The following TTLL12 variants were observed in gnomAD, a reference collection of about 807,000 sequenced individuals.
TTLL12 encodes tubulin tyrosine ligase like 12.
TTLL12 carries 77 observed loss-of-function variants against 79.6 expected under a neutral mutation model. The ratio of observed to expected loss-of-function variants is 0.97; its 90% CI spans 0.81 to 1.17. The LOEUF is 1.17. Among genes scored for constraint, TTLL12 ranks in the 50% most tolerant of loss-of-function variants. TTLL12 has a pLI of 0.00. For synonymous variants in TTLL12, 437 were observed against 376.1 expected, an observed-to-expected ratio of 1.16 and a Z score of -1.87; for missense variants, 969 against 895.9, an observed-to-expected ratio of 1.08 and a Z score of -1.04.
Position 43,173,709 on chromosome 22 carries a change from G to C in TTLL12, c.1341+6C>G. 6.2e-7 allele frequency: 1 copy of C among 1,600,024 alleles called. No individual in the cohort carries two copies. The highest frequency in any genetic ancestry group is 1.7e-4 in the Middle Eastern group (1 of 6,012). On this transcript the variant is annotated splice_donor_region_variant and intron_variant, in intron 9 of 13. Transcript: ENST00000216129. Reference sequence around the variant, plus strand: ...AGCCCTGGGGCTCCTGGTCTGCGGGGCCCACCTTGGGGGTGCTCTCTCGGT... The same window carrying C: ...AGCCCTGGGGCTCCTGGTCTGCGGGCCCCACCTTGGGGGTGCTCTCTCGGT...
rs1157228117 is a variant in TTLL12, at chr22:43,179,772, C to T, written c.707-20G>A. On this transcript the variant is annotated intron_variant, in intron 4 of 13. Transcript: ENST00000216129. ...CCTCCTCTGTGCCAAGACATGAGTG[C>T]CCATCAGAGGGGGTGACGGGACACT... The T allele has an allele frequency of 1.9e-6, 3 of 1,550,254 alleles. No homozygotes were observed. Among genetic ancestry groups the T allele is most frequent in the Non-Finnish European group, 1.7e-6 (2 of 1,146,208 alleles).
At chr22:43,169,470 G>A (rs998613237) in intron 12 of TTLL12, 30 bp downstream of exon 12, 92 of 1,542,894 alleles carry the variant, frequency 6.0e-5, no homozygotes, top group Non-Finnish European at 7.7e-5. Context: ...CGCCCCACCG[G>A]CCTGCGATGG....
At chr22:43,185,087 G>C (rs575289357) in intron 1 of TTLL12, among the ~76,000 whole-genome samples, 2 of 151,612 alleles carry the variant, frequency 1.3e-5, no homozygotes, top group Non-Finnish European at 2.9e-5. Flanking sequence ...AATTAGCTGG[G>C]TGTGGTGGCG....
intron 2 of TTLL12, among the ~76,000 whole-genome samples, chr22:43,182,257 A>G (rs1214273232): frequency 6.6e-6 from 1 of 152,142 alleles, no homozygotes; most frequent in Non-Finnish European, 1.5e-5. Flanking sequence ...CCTGAAGGGG[A>G]CGGTGAGCCC....
rs2146629099 is a variant in TTLL12 at position 43,187,077 on chromosome 22, G to A, written c.-8C>T. 1 of 1,151,668 alleles carries A rather than the reference G, an allele frequency of 8.7e-7. No individual in the cohort carries two copies. The highest frequency in any genetic ancestry group is 1.1e-6 in the Non-Finnish European group (1 of 942,388). 71.3% of individuals were successfully genotyped at this position (1,151,668 alleles called of 1,614,324 possible). On this transcript the variant is annotated 5_prime_UTR_variant, in exon 1 of 14. Transcript: ENST00000216129. ...ACCCCGCTCGGCCTCCATGGCGCCA[G>A]CACCCGCGCCGACTCCAGCGCCGCC...
chr22:43,180,061 C>A, intron 3 of TTLL12, 61 bp from the exon 4 acceptor site: 1 of 1,513,140 alleles, frequency 6.6e-7, no homozygotes, highest in Non-Finnish European at 8.8e-7. Flanking sequence ...AACTCCCTTC[C>A]GGAACCCAGA....
At chr22:43,175,839 A>ATTTTTTTTT (rs753447234) in intron 6 of TTLL12, among the ~76,000 whole-genome samples, 22 of 128,356 alleles carry the variant, frequency 1.7e-4, no homozygotes, top group Non-Finnish European at 2.3e-4. Flanking sequence ...TGCCCTACTA[A>ATTTTTTTTT]TTTTTTTTTT....
In TTLL12 at chr22:43,166,901, C is replaced by G. The variant is rs948514520; in HGVS notation, c.*1107G>C. On this transcript the variant is annotated 3_prime_UTR_variant, in exon 14 of 14. Transcript: ENST00000216129. ...CTACACCTAGCCCTGCCCTCCCATG[C>G]ACTGGAAGGCTCTGGAAGTAGCTCT... is the stretch of plus-strand genomic sequence containing the variant. The G allele has an allele frequency of 1.1e-5, 3 of 271,140 alleles. No individual in the cohort carries two copies. Among genetic ancestry groups the G allele is most frequent in the African/African-American group, 6.7e-5 (3 of 44,612 alleles). 16.8% of individuals were successfully genotyped at this position (271,140 alleles called of 1,614,324 possible). A position where few individuals can be genotyped will look rare whatever the true frequency, so the allele number is the denominator to read the frequency against.
intron 2 of TTLL12, among the ~76,000 whole-genome samples, chr22:43,181,999 G>A (rs1341084600): frequency 6.9e-6 from 1 of 144,180 alleles, no homozygotes; most frequent in African/African-American, 2.6e-5. Context: ...TCAGGGGGAT[G>A]AAGGCCCGGA....
chr22:43,180,730 CT>C lies in TTLL12; in HGVS notation c.546+11del. 1 of 1,612,478 alleles carries C rather than the reference CT, an allele frequency of 6.2e-7. No individual in the cohort carries two copies. The highest frequency in any genetic ancestry group is 8.5e-7 in the Non-Finnish European group (1 of 1,179,698). On this transcript the variant is annotated intron_variant, in intron 3 of 13. Coordinates refer to ENST00000216129, the MANE Select transcript of TTLL12 (RefSeq NM_015140.4). Reference sequence around the variant, plus strand: ...TGTCCTCCCCCTCCCCGGGGCCCAGCTACCCACTCACCCCATGGGCCAGCTG... The same window carrying C: ...TGTCCTCCCCCTCCCCGGGGCCCAGCACCCACTCACCCCATGGGCCAGCTG...
chr22:43,169,506 G>T lies in TTLL12; in HGVS notation c.1638C>A (p.Asp546Glu), dbSNP rs200517252. The T allele has an allele frequency of 6.3e-7, 1 of 1,598,164 alleles. No individual in the cohort carries two copies. The highest frequency in any genetic ancestry group is 1.1e-5 in the South Asian group (1 of 89,322). Residue 546 changes from aspartate (D) to glutamate (E), a missense_variant, in exon 12 of 14, where the codon GAC becomes GAA. Transcript: ENST00000216129. ...TGTGCAGGACAGGAATTACCTGGAC[G>T]TCCGTCCAGGGAAATTCTGGGTATT... ...EKQYPEFPWT[D>E]VQAEIFRAFT...
intron 5 of TTLL12, among the ~76,000 whole-genome samples, chr22:43,178,522 C>T (rs1017258032): frequency 3.3e-5 from 5 of 152,198 alleles, no homozygotes; most frequent in Admixed American, 1.3e-4. Flanking sequence ...GGGGTTTCAC[C>T]GTGTTGGCCA....
Position 43,166,955 on chromosome 22 carries a change from C to G in TTLL12, c.*1053G>C, listed in dbSNP as rs1374846972. 1 of 308,742 alleles carries G rather than the reference C, an allele frequency of 3.2e-6. No individual in the cohort carries two copies. Among genetic ancestry groups the G allele is most frequent in the African/African-American group, 2.2e-5 (1 of 45,720 alleles). 19.1% of individuals were successfully genotyped at this position (308,742 alleles called of 1,614,324 possible). A position where few individuals can be genotyped will look rare whatever the true frequency, so the allele number is the denominator to read the frequency against. ...CTGCCTGGGCAGTTAGGTCCACCCA[C>G]TGCCCGTGAGCTGGGCCCAGGCACA... On this transcript the variant is annotated 3_prime_UTR_variant, in exon 14 of 14. Transcript: ENST00000216129.
chr22:43,176,687 G>A (rs1203954477), intron 5 of TTLL12, among the ~76,000 whole-genome samples: 7 of 138,098 alleles, frequency 5.1e-5, no homozygotes, highest in East Asian at 4.3e-4. Flanking sequence ...CCGAGATTGC[G>A]CCACTGCACT....
At chr22:43,169,451 C>A in intron 12 of TTLL12, 49 bp downstream of exon 12, 2 of 1,499,440 alleles carry the variant, frequency 1.3e-6, no homozygotes, top group South Asian at 2.6e-5. Flanking sequence ...AGGCCCCCAG[C>A]CCGGGACCCG....
At chr22:43,169,069 C>T (rs967166825) in intron 12 of TTLL12, among the ~76,000 whole-genome samples, 157 bp from the exon 13 acceptor site, 4 of 152,222 alleles carry the variant, frequency 2.6e-5, no homozygotes, top group African/African-American at 9.6e-5. Flanking sequence ...CTCCGCCCAG[C>T]ACCTGCCCTC....
intron 13 of TTLL12, 41 bp downstream of exon 13, chr22:43,168,733 C>T (rs1044383400): frequency 8.4e-6 from 13 of 1,543,532 alleles, no homozygotes; most frequent in South Asian, 3.6e-5. Context: ...GCGGAGGGGG[C>T]GCCTGCTGGT....
At chr22:43,181,384 G>A (rs999903029) in intron 2 of TTLL12, among the ~76,000 whole-genome samples, 2 of 152,126 alleles carry the variant, frequency 1.3e-5, no homozygotes, top group Non-Finnish European at 2.9e-5. Context: ...GCACACCACA[G>A]CTGCTCAACA....
chr22:43,183,032 A>G lies in TTLL12; in HGVS notation c.295T>C (p.Tyr99His), dbSNP rs764547916. 1 of 1,613,920 alleles carries G rather than the reference A, an allele frequency of 6.2e-7. No homozygotes were observed. Among genetic ancestry groups the G allele is most frequent in the South Asian group, 1.1e-5 (1 of 91,086 alleles). The change falls in exon 2 of 14, where the codon TAC becomes CAC. Residue 99 changes from tyrosine to histidine, a missense_variant. Coordinates refer to ENST00000216129, the MANE Select transcript of TTLL12 (RefSeq NM_015140.4). ...CTCTCCCTGGTCACGATGACCTTGT[A>G]GCACAGCTCGTTCCCCGGGTTGGGC... is the stretch of plus-strand genomic sequence containing the variant. ...QQPNPGNELC[Y>H]KVIVTRESGL...
Sources: gnomAD v4.1 joint callset for allele counts (sites outside exome capture counted in the v4.1 genomes callset) on GRCh38, gnomAD v4.1.1 for gene constraint, MANE v1.5 for transcripts, NCBI Gene and HGNC (gene_info 2026-07-23, HGNC 2026-07-21) for gene names.